SRGAP2C: variants seen among roughly 807,000 people sequenced by gnomAD.
The protein encoded by SRGAP2C is SLIT-ROBO Rho GTPase-activating protein 2C.
A neutral mutation model predicts 25.1 loss-of-function variants in SRGAP2C; 15 were observed. The observed-to-expected ratio is 0.60, with a 90% CI of 0.40 to 0.92. SRGAP2C has a LOEUF of 0.92. Ranked by LOEUF, SRGAP2C falls within the 40% of genes least tolerant of loss-of-function variation. The pLI, the probability that SRGAP2C is intolerant of heterozygous loss-of-function variation, is 0.00. For missense variants in SRGAP2C, 144 were observed against 264.4 expected, an observed-to-expected ratio of 0.54 and a Z score of 3.16; for synonymous variants, 44 against 96.6, an observed-to-expected ratio of 0.46 and a Z score of 3.19.
chr1:121,374,778 C>A lies in SRGAP2C; in HGVS notation c.703-48C>A, dbSNP rs782763949. The A allele has an allele frequency of 8.0e-6, 6 of 754,248 alleles. No homozygotes were observed. In the African/African-American group the frequency reaches 8.6e-5, roughly 11 times the overall value. 46.7% of individuals were successfully genotyped at this position (754,248 alleles called of 1,614,324 possible). ...GTACTTTTATCTTTTAGAGAACAAG[C>A]CCCCCTTTAAAAAAAAAGGTAAAAG... On this transcript the variant is annotated intron_variant, in intron 6 of 9. Coordinates refer to ENST00000367123, the MANE Select transcript of SRGAP2C (RefSeq NM_001329984.2).
intron 3 of SRGAP2C, among the ~76,000 whole-genome samples, chr1:121,303,589 C>T (rs1400767126): frequency 6.7e-6 from 1 of 148,600 alleles, no homozygotes; most frequent in Non-Finnish European, 1.5e-5. Flanking sequence ...GCTAAATATG[C>T]TCTTTGTAAC....
Position 121,204,521 on chromosome 1 carries a change from A to G in SRGAP2C, c.67+17008A>G, listed in dbSNP as rs587661903. On this transcript the variant is annotated intron_variant, in intron 2 of 9. Coordinates refer to ENST00000367123, the MANE Select transcript of SRGAP2C (RefSeq NM_001329984.2). ...GTGATCCTCCCACCTTGGCCTCCCA[A>G]AGTGCTGGGATTACAGGCGTGAGCC... Among the ~76,000 whole-genome samples, 149 of 151,440 alleles carry G rather than the reference A, an allele frequency of 9.8e-4. 1 individual carries two copies. Among genetic ancestry groups the G allele is most frequent in the African/African-American group, 3.5e-3 (143 of 41,286 alleles).
intron 2 of SRGAP2C, among the ~76,000 whole-genome samples, chr1:121,225,706 G>A (rs1416102743): frequency 3.3e-5 from 5 of 149,504 alleles, no homozygotes; most frequent in East Asian, 2.0e-4. Flanking sequence ...ACAGGTTAAT[G>A]TTTTAAAACT....
chr1:121,202,235 G>T (rs1448013859), intron 2 of SRGAP2C, among the ~76,000 whole-genome samples: 9 of 151,958 alleles, frequency 5.9e-5, no homozygotes, highest in Admixed American at 1.3e-4. Flanking sequence ...GCTTCATTTG[G>T]GTTCTCAGCA....
chr1:121,345,297 A>C (rs1258397712), intron 4 of SRGAP2C, among the ~76,000 whole-genome samples: 2 of 151,738 alleles, frequency 1.3e-5, no homozygotes, highest in South Asian at 4.2e-4. Context: ...TTTGCTTACT[A>C]ATTTTTAGCA....
intron 4 of SRGAP2C, among the ~76,000 whole-genome samples, chr1:121,355,276 C>T (rs587646046): frequency 7.3e-4 from 105 of 143,976 alleles, no homozygotes; most frequent in African/African-American, 2.4e-3. Flanking sequence ...ATGGATACTG[C>T]GCCTGACAAC....
At chr1:121,193,184 A>AT (rs1419551571) in intron 2 of SRGAP2C, among the ~76,000 whole-genome samples, 1 of 125,598 alleles carries the variant, frequency 8.0e-6, no homozygotes, top group East Asian at 2.2e-4. Context: ...TTGTGGTAGA[A>AT]TACACAGGAG....
intron 3 of SRGAP2C, among the ~76,000 whole-genome samples, chr1:121,309,418 A>C (rs1657928724): frequency 8.4e-6 from 1 of 118,912 alleles, no homozygotes; most frequent in Admixed American, 9.0e-5. Flanking sequence ...ACTACACTGA[A>C]TCATTCCTTT....
chr1:121,293,212 C>G (rs1192873767), intron 3 of SRGAP2C, among the ~76,000 whole-genome samples: 7,906 of 44,248 alleles, frequency 0.18, 1,087 homozygotes, highest in East Asian at 0.27. Flanking sequence ...TGAGAACAAA[C>G]GCTGATGGAT....
chr1:121,314,684 T>A (rs1434940449), intron 3 of SRGAP2C, among the ~76,000 whole-genome samples: 95,067 of 145,160 alleles, frequency 0.65, 31,421 homozygotes, highest in East Asian at 0.78. Flanking sequence ...AATACCCTGC[T>A]GTGTGAGGTG....
rs587665646 is a variant in SRGAP2C, at chr1:121,263,634, C to A, written c.68-21169C>A. Among the ~76,000 whole-genome samples, 451 of 151,736 alleles carry A rather than the reference C, an allele frequency of 3.0e-3. 6 individuals carry two copies. Among genetic ancestry groups the A allele is most frequent in the African/African-American group, 0.01 (430 of 41,458 alleles). Reference sequence around the variant, plus strand: ...TGAGTTCACCAGCTCCAGGCTGATTCACTTTTGTCAGCTGCATCCAACCTA... The same window carrying A: ...TGAGTTCACCAGCTCCAGGCTGATTAACTTTTGTCAGCTGCATCCAACCTA... On this transcript the variant is annotated intron_variant, in intron 2 of 9. Transcript: ENST00000367123.
intron 4 of SRGAP2C, among the ~76,000 whole-genome samples, chr1:121,336,706 C>T (rs1658521963): frequency 1.1e-5 from 1 of 88,870 alleles, no homozygotes; most frequent in African/African-American, 4.0e-5. Flanking sequence ...CTTTACATTT[C>T]AATAAACTTT....
At chr1:121,362,554 C>G (rs1375324878) in intron 4 of SRGAP2C, among the ~76,000 whole-genome samples, 4 of 150,390 alleles carry the variant, frequency 2.7e-5, no homozygotes, top group African/African-American at 9.7e-5. Flanking sequence ...CATGGGTAAG[C>G]AACAGGGTAG....
chr1:121,212,460 A>G (rs1375018642), intron 2 of SRGAP2C, among the ~76,000 whole-genome samples: 1 of 151,922 alleles, frequency 6.6e-6, no homozygotes, highest in African/African-American at 2.4e-5. Context: ...ATGGACTTAA[A>G]AGGAGCATTT....
At chr1:121,314,410 C>A (rs1271710867) in intron 3 of SRGAP2C, among the ~76,000 whole-genome samples, 3 of 152,170 alleles carry the variant, frequency 2.0e-5, no homozygotes, top group Non-Finnish European at 2.9e-5. Context: ...TCGTCTGAAG[C>A]CTTCTTCTCT....
intron 2 of SRGAP2C, among the ~76,000 whole-genome samples, chr1:121,216,265 C>T (rs1655381844): frequency 6.6e-6 from 1 of 152,002 alleles, no homozygotes; most frequent in African/African-American, 2.4e-5. Context: ...CAAAGAGGGA[C>T]AGTCCCACTT....
chr1:121,315,110 G>A (rs1477554103), intron 3 of SRGAP2C: 2 of 545,272 alleles, frequency 3.7e-6, no homozygotes, highest in Middle Eastern at 5.1e-4. Context: ...TCTGGTGCAG[G>A]CGGCACGGCT....
At chr1:121,250,819 T>A (rs1656341787) in intron 2 of SRGAP2C, among the ~76,000 whole-genome samples, 1 of 116,194 alleles carries the variant, frequency 8.6e-6, no homozygotes, top group Non-Finnish European at 1.8e-5. Context: ...TATGGAAGGG[T>A]AATGACTGGA....
chr1:121,191,521 C>T (rs1260929355), intron 2 of SRGAP2C, among the ~76,000 whole-genome samples: 1 of 147,406 alleles, frequency 6.8e-6, no homozygotes, highest in Non-Finnish European at 1.5e-5. Context: ...ACATTAATCT[C>T]TGGAAATTCT....
Sources: allele counts gnomAD v4.1 joint callset (sites outside exome capture counted in the v4.1 genomes callset), GRCh38; gene constraint gnomAD v4.1.1; transcripts MANE v1.5; gene names NCBI Gene and HGNC (gene_info 2026-07-23, HGNC 2026-07-21).